The following SLC4A4 variants were observed in gnomAD, a reference collection of about 807,000 sequenced individuals.
SLC4A4 encodes solute carrier family 4 member 4.
A neutral mutation model predicts 111.5 loss-of-function variants in SLC4A4; 27 were observed. The ratio of observed to expected loss-of-function variants is 0.24; its 90% CI spans 0.18 to 0.33. The LOEUF (loss-of-function observed/expected upper bound fraction) is 0.33. Ranked by LOEUF, SLC4A4 falls within the 10% of genes least tolerant of loss-of-function variation. SLC4A4 has a pLI of 1.00. For synonymous variants in SLC4A4, 443 were observed against 463.4 expected (o/e 0.96, Z 0.57); for missense variants, 909 against 1,315.5 (o/e 0.69, Z 4.78).
intron 1 of SLC4A4, among the ~76,000 whole-genome samples, chr4:71,078,168 TG>T (rs140835645): frequency 0.014 from 2,121 of 152,284 alleles, 47 homozygotes; most frequent in African/African-American, 0.049. Context: ...CAACACATTG[TG>T]GGCCCTCAAA....
At chr4:71,423,594 T>G (rs1722779420) in intron 7 of SLC4A4, among the ~76,000 whole-genome samples, 1 of 152,038 alleles carries the variant, frequency 6.6e-6, no homozygotes, top group Admixed American at 6.6e-5. Flanking sequence ...CAAACTATAC[T>G]ACAAGGCTAC....
intron 1 of SLC4A4, among the ~76,000 whole-genome samples, chr4:71,083,568 C>T (rs1157305150): frequency 1.3e-5 from 2 of 152,056 alleles, no homozygotes; most frequent in African/African-American, 4.8e-5. Context: ...CCTGAAGTGA[C>T]AGACAGGGCA....
chr4:71,557,918 G>A, intron 22 of SLC4A4, 33 bp downstream of exon 22: 1 of 1,533,272 alleles, frequency 6.5e-7, no homozygotes, highest in Non-Finnish European at 9.0e-7. Context: ...GTACCTGTGA[G>A]ATTATATGAG....
chr4:71,462,454 G>T (rs1726928104), intron 12 of SLC4A4, among the ~76,000 whole-genome samples: 1 of 148,026 alleles, frequency 6.8e-6, no homozygotes, highest in African/African-American at 2.5e-5. Flanking sequence ...TGTCGCCTAG[G>T]CTGGAGTGGA....
intron 3 of SLC4A4, among the ~76,000 whole-genome samples, chr4:71,277,325 T>A (rs1654694788): frequency 6.6e-6 from 1 of 152,222 alleles, no homozygotes; most frequent in African/African-American, 2.4e-5. Flanking sequence ...TATTTTTTTA[T>A]TTTAGCTGTT....
intron 3 of SLC4A4, chr4:71,339,069 G>T: frequency 1.3e-6 from 2 of 1,551,402 alleles, no homozygotes; most frequent in Middle Eastern, 4.7e-4. Flanking sequence ...GGAAGTGAGT[G>T]GTTAGACCTC....
intron 7 of SLC4A4, among the ~76,000 whole-genome samples, chr4:71,431,788 C>A (rs1232123613): frequency 6.6e-6 from 1 of 152,006 alleles, no homozygotes; most frequent in Non-Finnish European, 1.5e-5. Flanking sequence ...AGAATATAAT[C>A]TACTGTGAGA....
intron 2 of SLC4A4, among the ~76,000 whole-genome samples, chr4:71,119,142 GCTA>G (rs1743349660): frequency 2.0e-5 from 3 of 152,262 alleles, no homozygotes; most frequent in Admixed American, 2.0e-4. Context: ...TAGTGGAAAG[GCTA>G]CTATCATGTG....
At chr4:71,253,124 T>C (rs1193799996) in intron 2 of SLC4A4, among the ~76,000 whole-genome samples, 1 of 152,304 alleles carries the variant, frequency 6.6e-6, no homozygotes, top group South Asian at 2.1e-4. Context: ...ATCATCACGA[T>C]GTGAACAAAA....
At position 71,144,489 on chromosome 4, in the gene SLC4A4, C is replaced by T. The variant is rs531970018; in HGVS notation, c.-2+51697C>T. ...TTTTTTCCAATTCTGTGAAGAAAGTCATTGGTAGCTTGATGGGGATGGCAT... is the reference window on the plus strand; with the variant it reads ...TTTTTTCCAATTCTGTGAAGAAAGTTATTGGTAGCTTGATGGGGATGGCAT... On this transcript the variant is annotated intron_variant, in intron 2 of 26. Coordinates refer to the SLC4A4 transcript ENST00000649996. Among the ~76,000 whole-genome samples the T allele has an allele frequency of 5.0e-3, 766 of 152,088 alleles. 3 individuals carry two copies. The highest frequency in any genetic ancestry group is 8.7e-3 in the Non-Finnish European group (594 of 67,996).
chr4:71,460,344 C>T (rs903333650), intron 12 of SLC4A4, among the ~76,000 whole-genome samples: 7 of 151,902 alleles, frequency 4.6e-5, no homozygotes, highest in African/African-American at 1.5e-4. Flanking sequence ...CTAATGTTTC[C>T]GATGATCCAG....
intron 2 of SLC4A4, among the ~76,000 whole-genome samples, chr4:71,121,123 G>A (rs993076355): frequency 2.6e-5 from 4 of 152,122 alleles, no homozygotes; most frequent in Admixed American, 2.0e-4. Context: ...TGGCTGGCCC[G>A]CCGCACTCGA....
chr4:71,443,363 T>C (rs111530870), intron 8 of SLC4A4, among the ~76,000 whole-genome samples: 6 of 151,796 alleles, frequency 4.0e-5, no homozygotes, highest in African/African-American at 1.5e-4. Flanking sequence ...TTGGCCAGGC[T>C]GGTCTCAAAC....
intron 2 of SLC4A4, among the ~76,000 whole-genome samples, chr4:71,111,303 A>C (rs1194258176): frequency 3.9e-5 from 6 of 152,070 alleles, no homozygotes; most frequent in South Asian, 2.1e-4. Context: ...AAGCCACATA[A>C]AAGCCAGATG....
intron 4 of SLC4A4, among the ~76,000 whole-genome samples, chr4:71,348,582 T>C (rs1729537504): frequency 6.6e-6 from 1 of 152,080 alleles, no homozygotes; most frequent in Admixed American, 6.6e-5. Flanking sequence ...AACATGGGAG[T>C]TGCCTGGCTG....
rs1423198020 is a variant in SLC4A4 at position 71,453,478 on chromosome 4, G to T, written c.1323-17G>T. On this transcript the variant is annotated splice_polypyrimidine_tract_variant and intron_variant, in intron 11 of 25. Coordinates refer to ENST00000264485, the MANE Select transcript of SLC4A4 (RefSeq NM_001098484.3). The stretch of plus-strand genomic sequence containing the variant: ...TTTACTTTACATTTAGTGGATGTTT[G>T]CATTCTCTCTGCCCAGGTTCTGTGG... The T allele has an allele frequency of 1.2e-6, 2 of 1,612,160 alleles. No individual in the cohort carries two copies. The highest frequency in any genetic ancestry group is 1.7e-6 in the Non-Finnish European group (2 of 1,178,302).
intron 2 of SLC4A4, among the ~76,000 whole-genome samples, chr4:71,248,934 A>C (rs1036926726): frequency 6.6e-6 from 1 of 152,222 alleles, no homozygotes; most frequent in African/African-American, 2.4e-5. Context: ...TCTAGCTAAC[A>C]ATCATAAGCT....
intron 16 of SLC4A4, among the ~76,000 whole-genome samples, chr4:71,522,039 C>T (rs200106817): frequency 3.1e-5 from 1 of 32,438 alleles, no homozygotes; most frequent in East Asian, 4.7e-4. Flanking sequence ...CCTTTTCTAC[C>T]CTGTCTATCA....
At chr4:71,442,039 T>A (rs1006810642) in intron 8 of SLC4A4, among the ~76,000 whole-genome samples, 2 of 152,218 alleles carry the variant, frequency 1.3e-5, no homozygotes, top group African/African-American at 4.8e-5. Flanking sequence ...CCTATGGCTT[T>A]ATTTATGTCT....
Sources: gnomAD v4.1 joint callset for allele counts (sites outside exome capture counted in the v4.1 genomes callset) on GRCh38, gnomAD v4.1.1 for gene constraint, MANE v1.5 for transcripts, NCBI Gene and HGNC (gene_info 2026-07-23, HGNC 2026-07-21) for gene names.